DGCR8: variants seen among roughly 807,000 people sequenced by gnomAD.
The protein encoded by DGCR8 is DGCR8 microprocessor complex subunit.
A neutral mutation model predicts 78.5 loss-of-function variants in DGCR8; 14 were observed. The observed-to-expected ratio is 0.18, with a 90% CI of 0.12 to 0.28. The LOEUF (loss-of-function observed/expected upper bound fraction) is 0.28, where lower values mean the gene tolerates loss of function less well. DGCR8 is among the 10% of genes least tolerant of loss of function. The pLI is 1.00. For synonymous variants in DGCR8, 399 were observed against 402.4 expected (o/e 0.99, Z 0.10); for missense variants, 702 against 1,022.5 (o/e 0.69, Z 4.28).
chr22:20,086,340 A>G lies in DGCR8; in HGVS notation c.377A>G (p.Glu126Gly), dbSNP rs1331930865. 6.2e-7 allele frequency: 1 copy of G among 1,613,968 alleles called. No homozygotes were observed. Among genetic ancestry groups the G allele is most frequent in the African/African-American group, 1.3e-5 (1 of 74,904 alleles). The change falls in exon 2 of 14, where the codon GAG becomes GGG. Residue 126 changes from glutamate to glycine, a missense_variant. By Grantham distance (98) the Glu-to-Gly change is moderately conservative. Around this residue, in one of 4 missense-constraint regions of DGCR8, gnomAD observed 356 missense variants for 448.9 expected, o/e 0.79. Transcript: ENST00000351989. This position sits in a 1 kb window ranked among gnomAD's most constrained non-coding sequence, Gnocchi z 6.4. Reference sequence around the variant, plus strand: ...GTAAAGATTAGCGTGAGCTTTACCGAGAGCTGCAGGAGTAAGGACAGGAAG... The same window carrying G: ...GTAAAGATTAGCGTGAGCTTTACCGGGAGCTGCAGGAGTAAGGACAGGAAG... Reference protein sequence around the residue: ...KDVKISVSFTESCRSKDRKVL... With the variant: ...KDVKISVSFTGSCRSKDRKVL...
intron 8 of DGCR8, among the ~76,000 whole-genome samples, chr22:20,094,281 A>G (rs2049601262): frequency 6.6e-6 from 1 of 152,094 alleles, no homozygotes; most frequent in African/African-American, 2.4e-5. Context: ...AGCTCCCTCT[A>G]GCGTCTCTCA....
At chr22:20,103,676 G>A (rs1439322227) in intron 9 of DGCR8, among the ~76,000 whole-genome samples, 1 of 151,876 alleles carries the variant, frequency 6.6e-6, no homozygotes, top group African/African-American at 2.4e-5. Flanking sequence ...GAAGTGGGAA[G>A]TAGCCCTCCT....
chr22:20,106,564 G>T, intron 10 of DGCR8, 28 bp from the exon 11 acceptor site: 2 of 1,540,062 alleles, frequency 1.3e-6, no homozygotes, highest in Non-Finnish European at 1.8e-6. Flanking sequence ...CTCAGGGGAC[G>T]CCATCTGTTG....
At chr22:20,095,895 G>C in intron 9 of DGCR8, among the ~76,000 whole-genome samples, 1 of 152,118 alleles carries the variant, frequency 6.6e-6, no homozygotes, top group Non-Finnish European at 1.5e-5. Flanking sequence ...TGCATAAGGA[G>C]TACACAACCT....
rs1051603657 is a variant in DGCR8 at position 20,085,848 on chromosome 22, G to C, written c.-116G>C. ...TGGCCAGCTTGACTAAGCCGCCAGC[G>C]CACAGCGCGGCAGGACGCGCCCGGG... On this transcript the variant is annotated 5_prime_UTR_variant, in exon 2 of 14. Coordinates refer to ENST00000351989, the MANE Select transcript of DGCR8 (RefSeq NM_022720.7). This position sits in a 1 kb window ranked among gnomAD's most constrained non-coding sequence, Gnocchi z 6.2. 3 of 1,490,914 alleles carry C rather than the reference G, an allele frequency of 2.0e-6. No individual in the cohort carries two copies. The highest frequency in any genetic ancestry group is 2.7e-6 in the Non-Finnish European group (3 of 1,127,768). 92.4% of individuals were successfully genotyped at this position (1,490,914 alleles called of 1,614,324 possible). A position where few individuals can be genotyped will look rare whatever the true frequency, so the allele number is the denominator to read the frequency against.
chr22:20,082,165 TC>T (rs1277855852), intron 1 of DGCR8, among the ~76,000 whole-genome samples: 3 of 151,708 alleles, frequency 2.0e-5, no homozygotes, highest in African/African-American at 7.3e-5. Flanking sequence ...CAAGCGATTC[TC>T]CTGCCTCAGC....
intron 12 of DGCR8, chr22:20,107,988 T>A (rs1157608796): frequency 6.4e-6 from 1 of 155,668 alleles, no homozygotes; most frequent in East Asian, 1.9e-4. Context: ...TCCTGGTCAT[T>A]GGAAGGGGAA....
At chr22:20,094,875 T>A in intron 9 of DGCR8, 80 bp downstream of exon 9, 2 of 1,285,502 alleles carry the variant, frequency 1.6e-6, no homozygotes, top group Non-Finnish European at 2.3e-6. Flanking sequence ...GCTGGGGGTG[T>A]CCGTGGGCTG....
chr22:20,095,307 T>C (rs1273426420), intron 9 of DGCR8, among the ~76,000 whole-genome samples: 2 of 152,180 alleles, frequency 1.3e-5, no homozygotes. Context: ...GGTTTCACCA[T>C]GTTGGCCAGG....
At chr22:20,093,702 C>T (rs1425081533) in intron 8 of DGCR8, among the ~76,000 whole-genome samples, 1 of 152,240 alleles carries the variant, frequency 6.6e-6, no homozygotes, top group Non-Finnish European at 1.5e-5. Context: ...CCTGGCACAG[C>T]GCAGCTCTGG....
rs1420838610 is a variant in DGCR8 at position 20,110,851 on chromosome 22, C to T, written c.*743C>T. The stretch of plus-strand genomic sequence containing the variant: ...AAGTCTTAATTCCCTAAAAGCGCCT[C>T]TTTGGACACTGAGGCCCTCTCTGCC... On this transcript the variant is annotated 3_prime_UTR_variant, in exon 14 of 14. Transcript: ENST00000351989. 4.4e-6 allele frequency: 1 copy of T among 227,630 alleles called. No individual in the cohort carries two copies. Among genetic ancestry groups the T allele is most frequent in the Non-Finnish European group, 8.4e-6 (1 of 118,488 alleles). 14.1% of individuals were successfully genotyped at this position (227,630 alleles called of 1,614,324 possible). A position where few individuals can be genotyped will look rare whatever the true frequency, so the allele number is the denominator to read the frequency against.
At chr22:20,093,601 C>T (rs1165624042) in intron 8 of DGCR8, among the ~76,000 whole-genome samples, 1 of 152,200 alleles carries the variant, frequency 6.6e-6, no homozygotes, top group Non-Finnish European at 1.5e-5. Context: ...GGCCAGCATG[C>T]TGTTGGCATC....
chr22:20,108,843 T>C, intron 12 of DGCR8, 47 bp from the exon 13 acceptor site: 1 of 1,035,906 alleles, frequency 9.7e-7, no homozygotes, highest in Non-Finnish European at 1.5e-6. Context: ...GGGCAGGCCG[T>C]AGAGCTACAG....
At position 20,111,702 on chromosome 22, in the gene DGCR8, G is replaced by A; in HGVS notation, c.*1594G>A. On this transcript the variant is annotated 3_prime_UTR_variant, in exon 14 of 14. Coordinates refer to ENST00000351989, the MANE Select transcript of DGCR8 (RefSeq NM_022720.7). Reference sequence around the variant, plus strand: ...GTGCTGCCATACTCTTGTGGTCTCTGTGCGCCCCCCCCCCCCCCCCACCCG... The same window carrying A: ...GTGCTGCCATACTCTTGTGGTCTCTATGCGCCCCCCCCCCCCCCCCACCCG... 2 of 176,264 alleles carry A rather than the reference G, an allele frequency of 1.1e-5. No individual in the cohort carries two copies. Among genetic ancestry groups the A allele is most frequent in the Admixed American group, 9.9e-5 (1 of 10,120 alleles). The allele number at this position is 176,264 out of a possible 1,614,324, so 10.9% of individuals were successfully genotyped here. A position where few individuals can be genotyped will look rare whatever the true frequency, so the allele number is the denominator to read the frequency against.
At chr22:20,101,334 T>C (rs2049698540) in intron 9 of DGCR8, 1 of 963,774 alleles carries the variant, frequency 1.0e-6, no homozygotes, top group Non-Finnish European at 1.2e-6. Flanking sequence ...CCCAGCACTT[T>C]GGGAGGCCGA....
Position 20,108,882 on chromosome 22 carries a change from C to T in DGCR8, c.2125-8C>T, listed in dbSNP as rs2049802132. ...GCAGTCCTGAGCGTGAGGTGCTATA[C>T]TTCCCAGGAGACATCGGACAAGAGT... On this transcript the variant is annotated splice_region_variant and splice_polypyrimidine_tract_variant and intron_variant, in intron 12 of 13. Coordinates refer to ENST00000351989, the MANE Select transcript of DGCR8 (RefSeq NM_022720.7). The T allele has an allele frequency of 6.7e-7, 1 of 1,498,180 alleles. No homozygotes were observed. 92.8% of individuals were successfully genotyped at this position (1,498,180 alleles called of 1,614,324 possible). A position where few individuals can be genotyped will look rare whatever the true frequency, so the allele number is the denominator to read the frequency against.
chr22:20,089,757 G>A lies in DGCR8; in HGVS notation c.969G>A (p.Glu323=). Residue 323 remains glutamate (E), a synonymous_variant, in exon 4 of 14, where the codon GAG becomes GAA. Coordinates refer to ENST00000351989, the MANE Select transcript of DGCR8 (RefSeq NM_022720.7). This position sits in a 1 kb window ranked among gnomAD's most constrained non-coding sequence, Gnocchi z 4.9. ...NSGVPVYLHR[E]SRVVTWSRPY... ...GAGTCCCGGTGTACCTACACAGAGAGTCTCGGGTGGTCACCTGGTCCAGGC... is the reference window on the plus strand; with the variant it reads ...GAGTCCCGGTGTACCTACACAGAGAATCTCGGGTGGTCACCTGGTCCAGGC... 1 of 1,614,016 alleles carries A rather than the reference G, an allele frequency of 6.2e-7. No homozygotes were observed. Among genetic ancestry groups the A allele is most frequent in the South Asian group, 1.1e-5 (1 of 91,068 alleles).
intron 1 of DGCR8, among the ~76,000 whole-genome samples, chr22:20,083,010 G>A (rs1602474670): frequency 6.6e-6 from 1 of 152,096 alleles, no homozygotes; most frequent in East Asian, 1.9e-4. Flanking sequence ...CATGGACTTG[G>A]CCCACTGTCA....
At chr22:20,103,569 A>C (rs1383275528) in intron 9 of DGCR8, among the ~76,000 whole-genome samples, 1 of 151,930 alleles carries the variant, frequency 6.6e-6, no homozygotes, top group Non-Finnish European at 1.5e-5. Flanking sequence ...GGCATGGTAT[A>C]TGTTCCTTTT....
Sources: allele counts gnomAD v4.1 joint callset (sites outside exome capture counted in the v4.1 genomes callset), GRCh38; gene constraint gnomAD v4.1.1; regional missense constraint gnomAD v4.1.1; non-coding constraint Gnocchi (gnomAD v3.1); transcripts MANE v1.5; gene names NCBI Gene and HGNC (gene_info 2026-07-23, HGNC 2026-07-21).